Variants in CRYBG1 observed in about 807,000 individuals in gnomAD.
CRYBG1 encodes crystallin beta-gamma domain containing 1.
A neutral mutation model predicts 189.2 loss-of-function variants in CRYBG1; 139 were observed. The observed-to-expected ratio is 0.73, with a 90% CI of 0.64 to 0.85. The LOEUF (loss-of-function observed/expected upper bound fraction) is 0.85. CRYBG1 is among the 40% of genes least tolerant of loss of function. The probability of loss-of-function intolerance (pLI) is 0.00; values close to 1 mark genes in which losing one functional copy is unlikely to be tolerated. For missense variants in CRYBG1, 2,611 were observed against 2,675.8 expected, an observed-to-expected ratio of 0.98 and a Z score of 0.53; for synonymous variants, 1,023 against 1,017.1, an observed-to-expected ratio of 1.01 and a Z score of -0.11.
chr6:106,543,135 C>A (rs989741560), intron 10 of CRYBG1, among the ~76,000 whole-genome samples: 2 of 151,310 alleles, frequency 1.3e-5, no homozygotes, highest in African/African-American at 4.9e-5. Context: ...TGAGTTCAAG[C>A]GGTTCTGCCT....
intron 2 of CRYBG1, among the ~76,000 whole-genome samples, chr6:106,495,034 G>A (rs1251033579): frequency 6.6e-6 from 1 of 152,046 alleles, no homozygotes; most frequent in East Asian, 1.9e-4. Context: ...TGTATGCAGG[G>A]CAACTTTCTA....
At chr6:106,539,361 A>G (rs370038841) in intron 8 of CRYBG1, 42 bp from the exon 9 acceptor site, 6 of 1,605,400 alleles carry the variant, frequency 3.7e-6, no homozygotes, top group Non-Finnish European at 5.1e-6. Flanking sequence ...GAAACAAATG[A>G]TGAGTCGGCT....
intron 1 of CRYBG1, among the ~76,000 whole-genome samples, chr6:106,416,484 A>C (rs915547116): frequency 6.6e-6 from 1 of 152,232 alleles, no homozygotes; most frequent in African/African-American, 2.4e-5. Flanking sequence ...GCCTGAGGTT[A>C]AAAATGGGGC....
chr6:106,503,441 A>G (rs1171494530), intron 2 of CRYBG1, among the ~76,000 whole-genome samples: 1 of 152,258 alleles, frequency 6.6e-6, no homozygotes, highest in Non-Finnish European at 1.5e-5. Flanking sequence ...CCATGCCTTC[A>G]TAAAAGTGAC....
Position 106,569,816 on chromosome 6 carries a change from C to T in CRYBG1, c.*1250C>T, listed in dbSNP as rs991478809. 6 of 152,178 alleles carry T rather than the reference C, an allele frequency of 3.9e-5. No individual in the cohort carries two copies. Among genetic ancestry groups the T allele is most frequent in the African/African-American group, 1.4e-4 (6 of 41,430 alleles). The allele number at this position is 152,178 out of a possible 1,614,324, so 9.4% of individuals were successfully genotyped here. ...CAGGGTATAGCTGTTGGTGGACAGC[C>T]TCAGGTCTTGGGGGCACTATAGCCA... is the stretch of plus-strand genomic sequence containing the variant. On this transcript the variant is annotated 3_prime_UTR_variant, in exon 22 of 22. Transcript: ENST00000633556.
intron 1 of CRYBG1, among the ~76,000 whole-genome samples, chr6:106,364,406 T>C (rs1447441989): frequency 6.6e-6 from 1 of 152,208 alleles, no homozygotes; most frequent in African/African-American, 2.4e-5. Context: ...ATTTTCGTAT[T>C]CTGCAAATAT....
intron 1 of CRYBG1, chr6:106,420,887 A>G (rs1436700714): frequency 6.6e-6 from 1 of 152,414 alleles, no homozygotes. Context: ...TAGTACTTCC[A>G]TGTATGGGTA....
rs1225664696 is a variant in CRYBG1 at position 106,539,440 on chromosome 6, C to T, written c.4756C>T (p.Pro1586Ser). ...IYEEPGFQGV[P>S]FILEPGEYPD... is the part of the protein sequence containing the mutation. ...TGAAGAACCTGGATTTCAGGGTGTT[C>T]CTTTCATCCTGGAACCTGGTGAATA... The change falls in exon 9 of 22, where the codon CCT becomes TCT. Residue 1586 changes from proline (P) to serine (S), a missense_variant. Pro to Ser is a moderately conservative substitution (Grantham distance 74). Coordinates refer to ENST00000633556, the MANE Select transcript of CRYBG1 (RefSeq NM_001371242.2). 1 of 1,613,966 alleles carries T rather than the reference C, an allele frequency of 6.2e-7. No individual in the cohort carries two copies. Among genetic ancestry groups the T allele is most frequent in the Admixed American group, 1.7e-5 (1 of 59,992 alleles).
chr6:106,549,241 T>C (rs1774342880), intron 13 of CRYBG1, among the ~76,000 whole-genome samples: 1 of 152,192 alleles, frequency 6.6e-6, no homozygotes, highest in African/African-American at 2.4e-5. Context: ...CCTGAGGCCC[T>C]GTGGGCAGAG....
chr6:106,397,674 G>A (rs1770639888), intron 1 of CRYBG1, among the ~76,000 whole-genome samples: 1 of 152,170 alleles, frequency 6.6e-6, no homozygotes, highest in Admixed American at 6.5e-5. Flanking sequence ...TCAGTGGAAG[G>A]CTACTGCCTC....
In CRYBG1 at chr6:106,539,273, C is replaced by T. The variant is rs1234754812; in HGVS notation, c.4719-130C>T. On this transcript the variant is annotated intron_variant, in intron 8 of 21. Coordinates refer to ENST00000633556, the MANE Select transcript of CRYBG1 (RefSeq NM_001371242.2). ...TCTAGTGTGATTCTAACACCTGAGT[C>T]CAACCATTCATTATGTAGGTCCGTA... 7 of 1,033,016 alleles carry T rather than the reference C, an allele frequency of 6.8e-6. No individual in the cohort carries two copies. The African/African-American group carries it at 1.1e-4, about 17-fold the overall frequency. The allele number at this position is 1,033,016 out of a possible 1,614,324, so 64.0% of individuals were successfully genotyped here. A position where few individuals can be genotyped will look rare whatever the true frequency, so the allele number is the denominator to read the frequency against.
chr6:106,497,332 C>T (rs1000471862), intron 2 of CRYBG1, among the ~76,000 whole-genome samples: 4 of 152,164 alleles, frequency 2.6e-5, no homozygotes, highest in African/African-American at 9.7e-5. Context: ...ATATATTCAC[C>T]CCAACGAGAG....
At chr6:106,367,011 C>A (rs150264476) in intron 1 of CRYBG1, among the ~76,000 whole-genome samples, 186 of 152,268 alleles carry the variant, frequency 1.2e-3, no homozygotes, top group African/African-American at 4.1e-3. Flanking sequence ...GCTCTCAGTG[C>A]CTTAAAAGTC....
chr6:106,440,701 T>A (rs942218506), intron 1 of CRYBG1, among the ~76,000 whole-genome samples: 2 of 152,220 alleles, frequency 1.3e-5, no homozygotes, highest in African/African-American at 2.4e-5. Context: ...AAACCATGAA[T>A]CTTGATGTGA....
chr6:106,494,691 CTAAT>C (rs1772804034), intron 2 of CRYBG1, among the ~76,000 whole-genome samples: 2 of 152,220 alleles, frequency 1.3e-5, no homozygotes, highest in South Asian at 4.1e-4. Flanking sequence ...TTATAATTAT[CTAAT>C]TATATTGATA....
intron 2 of CRYBG1, among the ~76,000 whole-genome samples, chr6:106,503,992 GGAT>G (rs1741418971): frequency 7.2e-6 from 1 of 139,360 alleles, no homozygotes; most frequent in Admixed American, 7.8e-5. Context: ...GTACCCAACA[GGAT>G]GATATTATTG....
chr6:106,428,843 A>G (rs1432673524), intron 1 of CRYBG1, among the ~76,000 whole-genome samples: 1 of 152,238 alleles, frequency 6.6e-6, no homozygotes, highest in Non-Finnish European at 1.5e-5. Flanking sequence ...TGGCAAAGCT[A>G]AGAGGCTGTG....
intron 1 of CRYBG1, among the ~76,000 whole-genome samples, chr6:106,397,308 A>G (rs181818561): frequency 2.0e-5 from 3 of 152,210 alleles, no homozygotes; most frequent in Non-Finnish European, 2.9e-5. Flanking sequence ...TCAAGTATGC[A>G]GTATAGTATT....
chr6:106,431,855 A>G (rs535991094), intron 1 of CRYBG1, among the ~76,000 whole-genome samples: 1 of 152,080 alleles, frequency 6.6e-6, no homozygotes, highest in South Asian at 2.1e-4. Context: ...AACATCTCAT[A>G]TGGGCCCACT....
Sources: allele counts gnomAD v4.1 joint callset (sites outside exome capture counted in the v4.1 genomes callset), GRCh38; gene constraint gnomAD v4.1.1; transcripts MANE v1.5; gene names NCBI Gene and HGNC (gene_info 2026-07-23, HGNC 2026-07-21).